MED14: variants seen among roughly 807,000 people sequenced by gnomAD.
MED14 encodes the protein mediator of RNA polymerase II transcription subunit 14.
A neutral mutation model predicts 109.0 loss-of-function variants in MED14; 8 were observed. The observed-to-expected ratio is 0.07, with a 90% CI of 0.04 to 0.13. The LOEUF is 0.13. MED14 is among the 10% of genes least tolerant of loss of function. The pLI is 1.00. For missense variants in MED14, 711 were observed against 1,142.4 expected (o/e 0.62, Z 5.44); for synonymous variants, 399 against 408.7 (o/e 0.98, Z 0.29).
rs767300054 is a variant in MED14 at position 40,709,478 on chromosome X, C to T, written c.1174-19G>A. The T allele has an allele frequency of 1.2e-6, 1 of 850,405 alleles. No homozygotes were observed. Among genetic ancestry groups the T allele is most frequent in the Non-Finnish European group, 1.7e-6 (1 of 605,398 alleles). The allele number at this position is 850,405 out of a possible 1,213,427, so 70.1% of individuals were successfully genotyped here. Reference sequence around the variant, plus strand: ...GGTCGATCTGCATAAATAAGAACAACAAATTCAAATGTGCAATTTAAACAT... The same window carrying T: ...GGTCGATCTGCATAAATAAGAACAATAAATTCAAATGTGCAATTTAAACAT... On this transcript the variant is annotated intron_variant, in intron 9 of 30. Coordinates refer to ENST00000324817, the MANE Select transcript of MED14 (RefSeq NM_004229.4).
intron 3 of MED14, among the ~76,000 whole-genome samples, chrX:40,725,472 A>T (rs1478627999): frequency 8.9e-6 from 1 of 112,256 alleles, no homozygotes; most frequent in Non-Finnish European, 1.9e-5. Context: ...CATTAAAAAG[A>T]TCGTTCATCA....
chrX:40,696,660 C>T (rs1323422578), intron 13 of MED14, among the ~76,000 whole-genome samples: 1 of 111,673 alleles, frequency 9.0e-6, no homozygotes, highest in Non-Finnish European at 1.9e-5. Context: ...TCAGCCAGTC[C>T]ATATTTGAAA....
chrX:40,704,515 T>C (rs1931064541), intron 10 of MED14, among the ~76,000 whole-genome samples: 1 of 111,875 alleles, frequency 8.9e-6, no homozygotes, highest in South Asian at 3.7e-4. Context: ...ACAAGGAAAA[T>C]AACATCTTCC....
intron 8 of MED14, 88 bp downstream of exon 8, chrX:40,711,081 A>C (rs1297314734): frequency 4.0e-6 from 4 of 1,006,185 alleles, no homozygotes; most frequent in Non-Finnish European, 5.4e-6. Flanking sequence ...GGTCAACTGT[A>C]TATTAAATCA....
intron 24 of MED14, 123 bp from the exon 25 acceptor site, chrX:40,664,612 G>C: frequency 2.5e-6 from 1 of 408,125 alleles, no homozygotes; most frequent in African/African-American, 2.6e-5. Flanking sequence ...ATGTTTCACT[G>C]AAGCTTGATG....
intron 10 of MED14, among the ~76,000 whole-genome samples, chrX:40,706,197 G>A (rs5917382): frequency 0.23 from 25,629 of 110,607 alleles, 2,443 homozygotes; most frequent in African/African-American, 0.37. Flanking sequence ...AAGCATGCTC[G>A]CCCATCACAA....
In MED14 at chrX:40,664,561, A is replaced by C. The variant is rs1216463508; in HGVS notation, c.3266-72T>G. 6 of 675,274 alleles carry C rather than the reference A, an allele frequency of 8.9e-6. No homozygotes were observed. The African/African-American group carries it at 1.4e-4, about 16-fold the overall frequency. 55.7% of individuals were successfully genotyped at this position (675,274 alleles called of 1,213,427 possible). Reference sequence around the variant, plus strand: ...ACTGAAAATTATTTGACAGCATTCAAATCTTTACACAGTAATAATTTTATT... The same window carrying C: ...ACTGAAAATTATTTGACAGCATTCACATCTTTACACAGTAATAATTTTATT... On this transcript the variant is annotated intron_variant, in intron 24 of 30. Transcript: ENST00000324817.
rs1929876016 is a variant in MED14, at chrX:40,675,265, T to C, written c.2977A>G (p.Met993Val). 1 of 1,195,290 alleles carries C rather than the reference T, an allele frequency of 8.4e-7. No homozygotes were observed. The highest frequency in any genetic ancestry group is 1.1e-6 in the Non-Finnish European group (1 of 888,195). Reference protein sequence around the residue: ...NPPSPIGGDMMDSLISQLQPP... With the variant: ...NPPSPIGGDMVDSLISQLQPP... ...TGGAGCTGCGATATTAAAGAATCCATCATATCTCCTCCTATAGGAGAAGGG... is the reference window on the plus strand; with the variant it reads ...TGGAGCTGCGATATTAAAGAATCCACCATATCTCCTCCTATAGGAGAAGGG... Residue 993 changes from methionine to valine, a missense_variant, in exon 22 of 31, where the codon ATG (methionine) becomes GTG (valine). Around this residue, in one of 8 missense-constraint regions of MED14, gnomAD observed 100 missense variants for 147.5 expected, o/e 0.68. Coordinates refer to ENST00000324817, the MANE Select transcript of MED14 (RefSeq NM_004229.4).
In MED14 at chrX:40,683,083, T is replaced by C. The variant is rs757034127; in HGVS notation, c.2058-87A>G. The C allele has an allele frequency of 6.3e-5, 51 of 808,149 alleles. No homozygotes were observed. In the East Asian group the frequency reaches 1.6e-3, roughly 25 times the overall value. 66.6% of individuals were successfully genotyped at this position (808,149 alleles called of 1,213,427 possible). ...GACAGACAAGGTATGACATTACAGC[T>C]TCAGTTCAAACTCCACTTCTAGATA... On this transcript the variant is annotated intron_variant, in intron 16 of 30. Transcript: ENST00000324817.
intron 28 of MED14, among the ~76,000 whole-genome samples, chrX:40,658,394 C>T (rs1488486609): frequency 9.0e-6 from 1 of 111,402 alleles, no homozygotes; most frequent in African/African-American, 3.3e-5. Context: ...ACCCGGCCTG[C>T]ACTTCAGTTT....
chrX:40,661,367 C>G (rs1929265012), intron 26 of MED14, among the ~76,000 whole-genome samples: 1 of 107,997 alleles, frequency 9.3e-6, no homozygotes, highest in Non-Finnish European at 1.9e-5. Context: ...CAGGCATGAG[C>G]CACCACGCCT....
intron 21 of MED14, among the ~76,000 whole-genome samples, chrX:40,678,301 G>A (rs938913622): frequency 2.0e-5 from 2 of 101,998 alleles, no homozygotes; most frequent in South Asian, 4.2e-4. Flanking sequence ...TGATATGTTT[G>A]AACATACTAA....
chrX:40,665,971 G>A (rs1274682093), intron 24 of MED14, among the ~76,000 whole-genome samples: 1 of 112,296 alleles, frequency 8.9e-6, no homozygotes, highest in Non-Finnish European at 1.9e-5. Context: ...ATGATGTGGA[G>A]TTTTTAATGA....
intron 15 of MED14, among the ~76,000 whole-genome samples, chrX:40,691,542 C>T (rs1268534006): frequency 1.8e-5 from 2 of 110,137 alleles, no homozygotes; most frequent in Non-Finnish European, 3.8e-5. Context: ...CCACCTTGGC[C>T]TCCCAAAGTG....
Position 40,710,117 on chromosome X carries a change from A to G in MED14, c.1035T>C (p.Leu345=), listed in dbSNP as rs1246219092. Reference sequence around the variant, plus strand: ...CAGATGCTGTTCCAGTTTTTCTCCCAAGAACCTGTTGACTAAAGAAAAAAA... The same window carrying G: ...CAGATGCTGTTCCAGTTTTTCTCCCGAGAACCTGTTGACTAAAGAAAAAAA... ...LSLSVWNQQV[L]GRKTGTASVH... The change falls in exon 9 of 31, where the codon CTT becomes CTC. Residue 345 remains leucine, a synonymous_variant. Coordinates refer to ENST00000324817, the MANE Select transcript of MED14 (RefSeq NM_004229.4). 2 of 1,161,543 alleles carry G rather than the reference A, an allele frequency of 1.7e-6. No homozygotes were observed. The highest frequency in any genetic ancestry group is 2.3e-6 in the Non-Finnish European group (2 of 873,668).
chrX:40,649,970 G>GA lies in MED14; in HGVS notation c.*1835dup. The GA allele has an allele frequency of 1.3e-6, 1 of 748,424 alleles. No individual in the cohort carries two copies. Among genetic ancestry groups the GA allele is most frequent in the African/African-American group, 2.3e-5 (1 of 43,560 alleles). 61.7% of individuals were successfully genotyped at this position (748,424 alleles called of 1,213,427 possible). A position where few individuals can be genotyped will look rare whatever the true frequency, so the allele number is the denominator to read the frequency against. ...AACATTTCAAAACCACATTAAAAGGGAAAATACCTAAAAAGTTAACTCTTA... is the reference window on the plus strand; with the variant it reads ...AACATTTCAAAACCACATTAAAAGGGAAAAATACCTAAAAAGTTAACTCTTA... On this transcript the variant is annotated 3_prime_UTR_variant, in exon 31 of 31. Coordinates refer to ENST00000324817, the MANE Select transcript of MED14 (RefSeq NM_004229.4).
intron 21 of MED14, among the ~76,000 whole-genome samples, chrX:40,678,778 C>T (rs977985786): frequency 1.8e-5 from 2 of 108,114 alleles, no homozygotes; most frequent in Non-Finnish European, 3.8e-5. Flanking sequence ...TGCACTCCAG[C>T]CAGGAGGACA....
At chrX:40,692,088 T>C in intron 15 of MED14, 95 bp downstream of exon 15, 1 of 824,228 alleles carries the variant, frequency 1.2e-6, no homozygotes, top group Non-Finnish European at 1.7e-6. Context: ...ACAAACATTC[T>C]GCTTTTCCTA....
upstream of MED14, chrX:40,735,644 A>G (rs1439134278): frequency 2.0e-6 from 1 of 495,836 alleles, no homozygotes; most frequent in Non-Finnish European, 3.6e-6. Flanking sequence ...ATGGGGGGGA[A>G]GCAGGGCGGC....
Sources: allele counts gnomAD v4.1 joint callset (sites outside exome capture counted in the v4.1 genomes callset), GRCh38; gene constraint gnomAD v4.1.1; regional missense constraint gnomAD v4.1.1; transcripts MANE v1.5; gene names NCBI Gene and HGNC (gene_info 2026-07-23, HGNC 2026-07-21).